NFIB: variants seen among roughly 807,000 people sequenced by gnomAD.
The protein encoded by NFIB is nuclear factor I B.
NFIB carries 11 observed loss-of-function variants against 61.5 expected under a neutral mutation model. The ratio of observed to expected loss-of-function variants is 0.18; its 90% CI spans 0.11 to 0.30. NFIB has a LOEUF of 0.30. Ranked by LOEUF, NFIB falls within the 10% of genes least tolerant of loss-of-function variation. The probability of loss-of-function intolerance (pLI) is 1.00; values close to 1 mark genes in which losing one functional copy is unlikely to be tolerated. For synonymous variants in NFIB, 260 were observed against 216.5 expected (o/e 1.20, Z -1.76); for missense variants, 471 against 608.9 (o/e 0.77, Z 2.38).
the NFIB span, among the ~76,000 whole-genome samples, chr9:14,497,144 A>T: frequency 6.6e-6 from 1 of 152,226 alleles, no homozygotes. Context: ...TGAGGGTCTT[A>T]AGTTATATTC....
chr9:14,374,012 C>G (rs2061388892), intron 1 of NFIB, among the ~76,000 whole-genome samples: 1 of 152,106 alleles, frequency 6.6e-6, no homozygotes, highest in South Asian at 2.1e-4. Context: ...AGTTGGAATA[C>G]TGTTCTTTTT....
the NFIB span, among the ~76,000 whole-genome samples, chr9:14,489,488 C>T: frequency 6.6e-6 from 1 of 152,206 alleles, no homozygotes; most frequent in Non-Finnish European, 1.5e-5. Context: ...TTTGTATTCA[C>T]TCATTTTTTT....
chr9:14,241,182 T>C (rs766916735), intron 2 of NFIB, among the ~76,000 whole-genome samples: 2 of 152,214 alleles, frequency 1.3e-5, no homozygotes, highest in African/African-American at 2.4e-5. Flanking sequence ...GTCTTTTGAA[T>C]AATTCCAGAA....
chr9:14,461,844 A>G, the NFIB span, among the ~76,000 whole-genome samples: 1 of 152,238 alleles, frequency 6.6e-6, no homozygotes, highest in Non-Finnish European at 1.5e-5. Context: ...TGGAGCAGGT[A>G]AAAAGATGTA....
intron 2 of NFIB, among the ~76,000 whole-genome samples, chr9:14,223,666 GA>G (rs1342494653): frequency 6.6e-6 from 1 of 152,182 alleles, no homozygotes; most frequent in Non-Finnish European, 1.5e-5. Context: ...AGAGGAAGAA[GA>G]AGAGGGGAAG....
At chr9:14,528,724 AGAAGTTCT>A in the NFIB span, among the ~76,000 whole-genome samples, 4 of 152,292 alleles carry the variant, frequency 2.6e-5, no homozygotes, top group Non-Finnish European at 4.4e-5. Context: ...TAGCTGACAA[AGAAGTTCT>A]ACTAAGTCTC....
the NFIB span, among the ~76,000 whole-genome samples, chr9:14,516,920 A>G: frequency 6.6e-6 from 1 of 152,212 alleles, no homozygotes; most frequent in East Asian, 1.9e-4. Context: ...TCTGAGGAAA[A>G]TTACATTAGC....
chr9:14,406,821 A>G, the NFIB span, among the ~76,000 whole-genome samples: 5 of 152,174 alleles, frequency 3.3e-5, no homozygotes, highest in Non-Finnish European at 1.5e-5. Context: ...TGGAAGTCCA[A>G]TGTTGAAAAC....
At chr9:14,387,556 G>C (rs911284446) in intron 1 of NFIB, among the ~76,000 whole-genome samples, 2 of 152,096 alleles carry the variant, frequency 1.3e-5, no homozygotes, top group African/African-American at 4.8e-5. Context: ...ATGAGCAAAG[G>C]ATAGAAATTG....
chr9:14,460,801 A>G, the NFIB span, among the ~76,000 whole-genome samples: 33,964 of 151,898 alleles, frequency 0.22, 4,034 homozygotes, highest in East Asian at 0.33. Context: ...TGCCCTAAGG[A>G]TAATGAAATC....
chr9:14,115,649 A>C (rs2038016131), intron 9 of NFIB, among the ~76,000 whole-genome samples: 1 of 152,220 alleles, frequency 6.6e-6, no homozygotes, highest in South Asian at 2.1e-4. Flanking sequence ...TAGTGAAAGT[A>C]CAGGTAGCTT....
At chr9:14,402,599 T>C (rs1224767390), upstream of NFIB, among the ~76,000 whole-genome samples, 3 of 152,176 alleles carry the variant, frequency 2.0e-5, no homozygotes, top group Admixed American at 6.5e-5. Context: ...CAGCCTTAAA[T>C]TATTGGGTAC....
At chr9:14,335,111 G>A (rs574887056) in intron 1 of NFIB, among the ~76,000 whole-genome samples, 15 of 152,068 alleles carry the variant, frequency 9.9e-5, no homozygotes, top group Non-Finnish European at 1.5e-4. Context: ...CCAATTTTTG[G>A]CTATTACAAA....
the NFIB span, among the ~76,000 whole-genome samples, chr9:14,495,602 G>A: frequency 6.6e-6 from 1 of 152,034 alleles, no homozygotes. Context: ...TCAGCTGGAA[G>A]CTAAGATGAA....
At chr9:14,364,275 G>A (rs2061274399) in intron 1 of NFIB, among the ~76,000 whole-genome samples, 1 of 152,142 alleles carries the variant, frequency 6.6e-6, no homozygotes, top group African/African-American at 2.4e-5. Context: ...GGTTCAGCCT[G>A]TGGAGTTTTT....
intron 10 of NFIB, among the ~76,000 whole-genome samples, chr9:14,110,694 T>C (rs1452631504): frequency 6.6e-6 from 1 of 152,136 alleles, no homozygotes; most frequent in Non-Finnish European, 1.5e-5. Context: ...TTTCTGTTTC[T>C]TTATTCCTGG....
chr9:14,177,427 C>T (rs1008523715), intron 3 of NFIB, among the ~76,000 whole-genome samples: 1 of 152,018 alleles, frequency 6.6e-6, no homozygotes, highest in African/African-American at 2.4e-5. Flanking sequence ...TATTACAAAA[C>T]AAACTCTTAA....
intron 1 of NFIB, among the ~76,000 whole-genome samples, chr9:14,328,282 C>T (rs2060779083): frequency 6.6e-6 from 1 of 152,086 alleles, no homozygotes; most frequent in Admixed American, 6.5e-5. Flanking sequence ...TAGCTGCCAC[C>T]ACAGGTGTGC....
chr9:14,514,753 CA>C, the NFIB span, among the ~76,000 whole-genome samples: 773 of 152,188 alleles, frequency 5.1e-3, 4 homozygotes, highest in Middle Eastern at 0.02. Context: ...CACGAATTCT[CA>C]GTTTGGGTTG....
Sources: allele counts gnomAD v4.1 joint callset (sites outside exome capture counted in the v4.1 genomes callset), GRCh38; gene constraint gnomAD v4.1.1; transcripts MANE v1.5; gene names NCBI Gene and HGNC (gene_info 2026-07-23, HGNC 2026-07-21).